ZNF454: variants seen among roughly 807,000 people sequenced by gnomAD.
ZNF454 encodes zinc finger protein 454.
A neutral mutation model predicts 48.2 loss-of-function variants in ZNF454; 30 were observed. That is an observed-to-expected ratio of 0.62 (90% CI 0.47 to 0.84). The LOEUF is 0.84. ZNF454 is among the 40% of genes least tolerant of loss of function. ZNF454 has a pLI of 0.00. For missense variants in ZNF454, 510 were observed against 623.1 expected (o/e 0.82, Z 1.93); for synonymous variants, 204 against 211.4 (o/e 0.97, Z 0.30).
the ZNF454 span, chr5:178,981,253 C>G: frequency 4.4e-6 from 1 of 224,814 alleles, no homozygotes; most frequent in Non-Finnish European, 8.9e-6. The surrounding 1 kb of genome is among the most constrained non-coding windows in gnomAD (Gnocchi z 5.1). Context: ...ATTCTGGGGT[C>G]TACACGTTCT....
the ZNF454 span, chr5:178,989,462 C>T: frequency 6.2e-7 from 1 of 1,608,662 alleles, no homozygotes; most frequent in South Asian, 1.1e-5. Context: ...TGTGTTTCTC[C>T]TGTGTCTCTC....
the ZNF454 span, chr5:178,982,856 G>A: frequency 6.2e-6 from 8 of 1,282,520 alleles, no homozygotes; most frequent in Admixed American, 1.2e-4. Flanking sequence ...TGAATGAATC[G>A]ACCAGCCTGA....
At chr5:178,961,077 C>T (rs959220415) in intron 4 of ZNF454, among the ~76,000 whole-genome samples, 3 of 151,220 alleles carry the variant, frequency 2.0e-5, no homozygotes, top group South Asian at 2.1e-4. Flanking sequence ...ATTACAGGTG[C>T]GTGCCACTGC....
intron 4 of ZNF454, 150 bp from the exon 5 acceptor site, chr5:178,964,505 A>AC: frequency 1.4e-6 from 1 of 691,052 alleles, no homozygotes; most frequent in Non-Finnish European, 2.5e-6. Flanking sequence ...TCCTCTGTTC[A>AC]CCCCTCTTTT....
At chr5:178,954,094 A>T in intron 4 of ZNF454, among the ~76,000 whole-genome samples, 1 of 152,026 alleles carries the variant, frequency 6.6e-6, no homozygotes, top group East Asian at 1.9e-4. Context: ...CCCCATCTCT[A>T]TAAAAATACA....
chr5:178,986,169 G>A, the ZNF454 span: 20 of 1,613,872 alleles, frequency 1.2e-5, no homozygotes, highest in South Asian at 9.9e-5. Context: ...CCAGCTGTGA[G>A]GTGGGGCTGA....
At chr5:178,968,719 AC>A (rs1203446719), downstream of ZNF454, 2 of 455,176 alleles carry the variant, frequency 4.4e-6, no homozygotes, top group Admixed American at 2.4e-5. Context: ...CTTAACTACC[AC>A]CCCCTTACCT....
the ZNF454 span, chr5:178,989,229 ACCCT>A: frequency 1.1e-6 from 1 of 926,750 alleles, no homozygotes; most frequent in Non-Finnish European, 1.5e-6. Context: ...CACCCTCCCC[ACCCT>A]CCCCACCCTC....
the ZNF454 span, chr5:178,989,149 GC>G: frequency 6.2e-7 from 1 of 1,612,684 alleles, no homozygotes; most frequent in Non-Finnish European, 8.5e-7. Flanking sequence ...TCCTAGGGAT[GC>G]CCAGAGAAAG....
intron 4 of ZNF454, among the ~76,000 whole-genome samples, chr5:178,962,979 A>G (rs561810226): frequency 1.3e-5 from 2 of 151,752 alleles, no homozygotes; most frequent in African/African-American, 2.4e-5. Flanking sequence ...AGAGCTTCAC[A>G]TGTTATTATG....
chr5:178,958,319 G>A lies in ZNF454; in HGVS notation c.251-6336G>A, dbSNP rs144857290. 3.8e-3 allele frequency among the ~76,000 whole-genome samples: 571 copies of A among 152,196 alleles called. 5 individuals carry two copies. The highest frequency in any genetic ancestry group is 0.013 in the African/African-American group (530 of 41,534). On this transcript the variant is annotated intron_variant, in intron 4 of 4. Coordinates refer to ENST00000519564, the MANE Select transcript of ZNF454 (RefSeq NM_001178089.3). ...ACTACTCTGGCAATAGATTTGTTTT[G>A]CCTGTTTTTAAACTTTAAATCATAC...
Position 178,962,014 on chromosome 5 carries a change from G to A in ZNF454, c.251-2641G>A, listed in dbSNP as rs895129897. 5.9e-5 allele frequency among the ~76,000 whole-genome samples: 9 copies of A among 151,482 alleles called. 1 individual carries two copies. In the East Asian group the frequency reaches 1.8e-3, roughly 31 times the overall value. ...TCTTACATTTTCATATTTCCACATGGAATTATTTTTCTTCTGCCTGGAACA... is the reference window on the plus strand; with the variant it reads ...TCTTACATTTTCATATTTCCACATGAAATTATTTTTCTTCTGCCTGGAACA... On this transcript the variant is annotated intron_variant, in intron 4 of 4. Coordinates refer to ENST00000519564, the MANE Select transcript of ZNF454 (RefSeq NM_001178089.3).
the ZNF454 span, among the ~76,000 whole-genome samples, chr5:178,971,660 AAC>A: frequency 2.0e-5 from 3 of 151,016 alleles, no homozygotes; most frequent in Non-Finnish European, 4.4e-5. Context: ...CATCCTGACT[AAC>A]ACAGTGAAAC....
chr5:178,969,940 T>C (rs1760215869), downstream of ZNF454, among the ~76,000 whole-genome samples: 1 of 152,182 alleles, frequency 6.6e-6, no homozygotes, highest in African/African-American at 2.4e-5. Context: ...GCCCCTCATC[T>C]CCAGCTGACT....
Position 178,965,042 on chromosome 5 carries a change from A to G in ZNF454, c.638A>G (p.Glu213Gly), listed in dbSNP as rs1461314132. Reference protein sequence around the residue: ...KNANQKIHIKEKRYECRECGK... With the variant: ...KNANQKIHIKGKRYECRECGK... ...GCAAATCAGAAAATTCATATTAAGG[A>G]GAAAAGATATGAATGTAGAGAATGT... Residue 213 changes from glutamate to glycine, a missense_variant, in exon 5 of 5, where the codon GAG (glutamate) becomes GGG (glycine). Coordinates refer to ENST00000519564, the MANE Select transcript of ZNF454 (RefSeq NM_001178089.3). The surrounding 1 kb of genome is among the most constrained non-coding windows in gnomAD (Gnocchi z 5.2). The G allele has an allele frequency of 1.1e-5, 17 of 1,614,084 alleles. No homozygotes were observed. In the Admixed American group the frequency reaches 2.2e-4, roughly 21 times the overall value.
chr5:178,985,666 G>C, the ZNF454 span: 7 of 393,096 alleles, frequency 1.8e-5, no homozygotes, highest in Non-Finnish European at 2.9e-5. Context: ...TAGTGCCACT[G>C]CACTCCAGCC....
intron 4 of ZNF454, among the ~76,000 whole-genome samples, chr5:178,947,507 A>G (rs1759385656): frequency 6.6e-6 from 1 of 152,202 alleles, no homozygotes; most frequent in Admixed American, 6.5e-5. Flanking sequence ...TTTGACTGCA[A>G]GTGCCATGGA....
chr5:178,983,357 GCTCTC>G, the ZNF454 span: 2 of 787,934 alleles, frequency 2.5e-6, no homozygotes, highest in Non-Finnish European at 2.2e-6. Flanking sequence ...CTTCGTGGTG[GCTCTC>G]AGGAGCACTC....
At chr5:178,971,637 A>G in the ZNF454 span, among the ~76,000 whole-genome samples, 2 of 151,518 alleles carry the variant, frequency 1.3e-5, no homozygotes, top group African/African-American at 4.9e-5. Flanking sequence ...TCACGAGGTC[A>G]GGAGATTGAG....
Sources: gnomAD v4.1 joint callset for allele counts (sites outside exome capture counted in the v4.1 genomes callset) on GRCh38, gnomAD v4.1.1 for gene constraint, Gnocchi (gnomAD v3.1) non-coding constraint, MANE v1.5 for transcripts, NCBI Gene and HGNC (gene_info 2026-07-23, HGNC 2026-07-21) for gene names.